SCN8A: variants seen among roughly 807,000 people sequenced by gnomAD.
SCN8A encodes sodium voltage-gated channel alpha subunit 8.
A neutral mutation model predicts 184.1 loss-of-function variants in SCN8A; 30 were observed. That is an observed-to-expected ratio of 0.16 (90% CI 0.12 to 0.22). SCN8A has a LOEUF of 0.22. Ranked by LOEUF, SCN8A falls within the 10% of genes least tolerant of loss-of-function variation. The pLI is 1.00. For missense variants in SCN8A, 1,057 were observed against 2,498.9 expected (o/e 0.42, Z 12.30); for synonymous variants, 852 against 907.0 (o/e 0.94, Z 1.09).
At chr12:51,754,043 C>A (rs1407398369) in intron 14 of SCN8A, among the ~76,000 whole-genome samples, 2 of 152,072 alleles carry the variant, frequency 1.3e-5, no homozygotes. Context: ...CAGTCTTCTG[C>A]AAATTGAAGA....
intron 1 of SCN8A, among the ~76,000 whole-genome samples, chr12:51,631,916 G>T (rs1294556282): frequency 1.3e-5 from 2 of 152,220 alleles, no homozygotes; most frequent in Non-Finnish European, 2.9e-5. Context: ...GAGACAGGAT[G>T]CTAGAGTTCT....
At chr12:51,678,310 A>G (rs1217405032) in intron 2 of SCN8A, among the ~76,000 whole-genome samples, 1 of 152,224 alleles carries the variant, frequency 6.6e-6, no homozygotes. Flanking sequence ...TGACATAAGT[A>G]TGGTACTATC....
intron 1 of SCN8A, among the ~76,000 whole-genome samples, chr12:51,608,366 C>T (rs1232262829): frequency 1.3e-5 from 2 of 152,088 alleles, no homozygotes; most frequent in Admixed American, 1.3e-4. Context: ...CCTTCTGGTC[C>T]TGGACTTTTT....
intron 15 of SCN8A, among the ~76,000 whole-genome samples, chr12:51,764,334 C>G (rs977043636): frequency 3.9e-5 from 6 of 151,904 alleles, no homozygotes; most frequent in Admixed American, 3.9e-4. Flanking sequence ...AGCCTTTATG[C>G]GTTATAATTC....
At chr12:51,773,040 C>T (rs1320406476) in intron 19 of SCN8A, among the ~76,000 whole-genome samples, 1 of 151,956 alleles carries the variant, frequency 6.6e-6, no homozygotes, top group Non-Finnish European at 1.5e-5. Flanking sequence ...TGGCATGAAC[C>T]CGGGAGGTGG....
intron 11 of SCN8A, among the ~76,000 whole-genome samples, chr12:51,720,074 T>C (rs1592403929): frequency 7.7e-5 from 1 of 13,070 alleles, no homozygotes. Flanking sequence ...AGACTCCGTC[T>C]CAAAAAAAAA....
intron 1 of SCN8A, among the ~76,000 whole-genome samples, chr12:51,594,469 TG>T (rs779819951): frequency 6.6e-5 from 10 of 152,160 alleles, no homozygotes; most frequent in Non-Finnish European, 1.5e-4. Context: ...ATTCTGTGAA[TG>T]GAAAGAAAAA....
At chr12:51,750,757 G>A (rs747154565) in intron 13 of SCN8A, among the ~76,000 whole-genome samples, 15 of 152,196 alleles carry the variant, frequency 9.9e-5, no homozygotes, top group Admixed American at 3.3e-4. Context: ...ACTTGTTCAC[G>A]GTCCCACAGT....
intron 12 of SCN8A, among the ~76,000 whole-genome samples, chr12:51,736,626 T>C (rs937899409): frequency 2.0e-5 from 3 of 152,212 alleles, no homozygotes; most frequent in African/African-American, 7.2e-5. Flanking sequence ...TTTAATTCCC[T>C]TCAGTCAAAG....
chr12:51,754,521 T>C (rs971282107), intron 14 of SCN8A, among the ~76,000 whole-genome samples: 1 of 152,144 alleles, frequency 6.6e-6, no homozygotes, highest in African/African-American at 2.4e-5. Flanking sequence ...AATGTGAGGC[T>C]TTTCCTATAG....
At chr12:51,673,859 A>G (rs1436291476) in intron 2 of SCN8A, among the ~76,000 whole-genome samples, 10 of 152,226 alleles carry the variant, frequency 6.6e-5, no homozygotes, top group African/African-American at 2.2e-4. Context: ...AGGGACACAC[A>G]GGAGGGAAGG....
chr12:51,758,071 G>A (rs1378355601), intron 14 of SCN8A, among the ~76,000 whole-genome samples: 1 of 152,218 alleles, frequency 6.6e-6, no homozygotes, highest in Admixed American at 6.5e-5. Flanking sequence ...CTTGAGGCCA[G>A]GAATTTGATG....
At chr12:51,796,896 ATCT>A (rs1173368068) in intron 26 of SCN8A, among the ~76,000 whole-genome samples, 1 of 152,182 alleles carries the variant, frequency 6.6e-6, no homozygotes, top group Non-Finnish European at 1.5e-5. Context: ...AGCTTCTTCC[ATCT>A]TCTTCTGCCT....
At chr12:51,596,176 A>G (rs1444648968) in intron 1 of SCN8A, among the ~76,000 whole-genome samples, 2 of 152,304 alleles carry the variant, frequency 1.3e-5, no homozygotes, top group Non-Finnish European at 2.9e-5. Context: ...TTTTGTCTTC[A>G]GCACCATTTT....
rs34564079 is a variant in SCN8A at position 51,679,721 on chromosome 12, C to CTTTTTTTTTTTT, written c.277-4442_277-4431dup. On this transcript the variant is annotated intron_variant, in intron 2 of 26. Coordinates refer to ENST00000627620, the MANE Select transcript of SCN8A (RefSeq NM_001330260.2). ...TGTGTTTGTCCAAAGACTATCTTGCCTTTTTTTTTTTTTTTTTTTTTTGAG... is the reference window on the plus strand; with the variant it reads ...TGTGTTTGTCCAAAGACTATCTTGCCTTTTTTTTTTTTTTTTTTTTTTTTTTTTTTTTTTGAG... Among the ~76,000 whole-genome samples, 131 of 85,472 alleles carry CTTTTTTTTTTTT rather than the reference C, an allele frequency of 1.5e-3. 16 individuals carry two copies. The highest frequency in any genetic ancestry group is 4.0e-3 in the African/African-American group (89 of 22,046). 56.1% of individuals were successfully genotyped at this position (85,472 alleles called of 152,430 possible). A position where few individuals can be genotyped will look rare whatever the true frequency, so the allele number is the denominator to read the frequency against.
chr12:51,744,471 G>A (rs1006318121), intron 12 of SCN8A, among the ~76,000 whole-genome samples: 5 of 152,026 alleles, frequency 3.3e-5, no homozygotes, highest in African/African-American at 1.2e-4. Context: ...AGATGTTAGT[G>A]TAGTAATGCA....
Position 51,807,693 on chromosome 12 carries a change from T to C in SCN8A, c.*264T>C. 2.0e-6 allele frequency: 1 copy of C among 506,882 alleles called. No individual in the cohort carries two copies. The highest frequency in any genetic ancestry group is 2.5e-5 in the South Asian group (1 of 39,492). 31.4% of individuals were successfully genotyped at this position (506,882 alleles called of 1,614,324 possible). On this transcript the variant is annotated 3_prime_UTR_variant, in exon 27 of 27. Coordinates refer to ENST00000627620, the MANE Select transcript of SCN8A (RefSeq NM_001330260.2). This position sits in a 1 kb window ranked among gnomAD's most constrained non-coding sequence, Gnocchi z 4.5. ...ATGTTCCACATCAGTCAATGCAACTTAGGACAAAACTAACCAGATACAGAA... is the reference window on the plus strand; with the variant it reads ...ATGTTCCACATCAGTCAATGCAACTCAGGACAAAACTAACCAGATACAGAA...
At chr12:51,681,526 G>A (rs1941332997) in intron 2 of SCN8A, among the ~76,000 whole-genome samples, 1 of 152,152 alleles carries the variant, frequency 6.6e-6, no homozygotes, top group Non-Finnish European at 1.5e-5. Flanking sequence ...TGGGCTGTTT[G>A]TTTCTTTGAG....
intron 25 of SCN8A, among the ~76,000 whole-genome samples, chr12:51,793,082 A>G (rs1938311258): frequency 6.6e-6 from 1 of 152,038 alleles, no homozygotes; most frequent in Admixed American, 6.6e-5. Context: ...TACACTTGCT[A>G]TTATATGAGG....
Sources: gnomAD v4.1 joint callset for allele counts (sites outside exome capture counted in the v4.1 genomes callset) on GRCh38, gnomAD v4.1.1 for gene constraint, Gnocchi (gnomAD v3.1) non-coding constraint, MANE v1.5 for transcripts, NCBI Gene and HGNC (gene_info 2026-07-23, HGNC 2026-07-21) for gene names.